CSMD1: variants seen among roughly 807,000 people sequenced by gnomAD.
CSMD1 encodes CUB and sushi domain-containing protein 1.
In CSMD1, 213 loss-of-function variants were observed where a neutral mutation model predicts 417.5. The ratio of observed to expected loss-of-function variants is 0.51; its 90% CI spans 0.46 to 0.57. The LOEUF (loss-of-function observed/expected upper bound fraction) is 0.57, where lower values mean the gene tolerates loss of function less well. Ranked by LOEUF, CSMD1 falls within the 20% of genes least tolerant of loss-of-function variation. The probability of loss-of-function intolerance (pLI) is 0.00; values close to 1 mark genes in which losing one functional copy is unlikely to be tolerated. For missense variants in CSMD1, 6,923 were observed against 4,529.7 expected, an observed-to-expected ratio of 1.53 and a Z score of -15.17; for synonymous variants, 2,862 against 1,736.8, an observed-to-expected ratio of 1.65 and a Z score of -16.11.
chr8:3,121,745 G>C (rs528928883), intron 41 of CSMD1, among the ~76,000 whole-genome samples: 1 of 152,236 alleles, frequency 6.6e-6, no homozygotes, highest in African/African-American at 2.4e-5. Context: ...GCTGCAGTGA[G>C]CTATGATCAT....
intron 38 of CSMD1, among the ~76,000 whole-genome samples, chr8:3,158,925 T>G (rs1819709255): frequency 6.6e-6 from 1 of 152,216 alleles, no homozygotes; most frequent in Non-Finnish European, 1.5e-5. Flanking sequence ...AATGCAGTTA[T>G]CAATGGCAAA....
intron 5 of CSMD1, among the ~76,000 whole-genome samples, chr8:3,887,451 T>C (rs1164213527): frequency 1.3e-5 from 2 of 152,154 alleles, no homozygotes; most frequent in East Asian, 1.9e-4. Context: ...TCCATGAAAG[T>C]GGGGCTAATT....
At chr8:3,993,140 T>C (rs1318873757) in intron 5 of CSMD1, among the ~76,000 whole-genome samples, 2 of 152,180 alleles carry the variant, frequency 1.3e-5, no homozygotes, top group African/African-American at 4.8e-5. Flanking sequence ...GTGCCAATAA[T>C]TACACTATGG....
intron 3 of CSMD1, among the ~76,000 whole-genome samples, chr8:4,237,983 G>A (rs1248021533): frequency 9.2e-5 from 14 of 152,328 alleles, no homozygotes; most frequent in Non-Finnish European, 4.4e-5. Flanking sequence ...CAGGGTGACA[G>A]AGGCATGCAC....
chr8:3,839,349 A>T (rs1303861703), intron 5 of CSMD1, among the ~76,000 whole-genome samples: 1 of 121,224 alleles, frequency 8.2e-6, no homozygotes, highest in African/African-American at 3.2e-5. Flanking sequence ...TAATTAGAAT[A>T]TATAATATTA....
chr8:4,066,726 G>C (rs1362943240), intron 3 of CSMD1, among the ~76,000 whole-genome samples: 3 of 152,114 alleles, frequency 2.0e-5, no homozygotes, highest in Non-Finnish European at 4.4e-5. Flanking sequence ...TTTGGGACGA[G>C]AGTGAAGACT....
intron 5 of CSMD1, among the ~76,000 whole-genome samples, chr8:3,863,861 T>C (rs1415167285): frequency 6.6e-6 from 1 of 152,186 alleles, no homozygotes; most frequent in Non-Finnish European, 1.5e-5. Context: ...TTTCTTCCAC[T>C]TCTTTCAGTT....
intron 2 of CSMD1, among the ~76,000 whole-genome samples, chr8:4,423,208 A>G (rs551975596): frequency 6.6e-6 from 1 of 152,246 alleles, no homozygotes; most frequent in East Asian, 1.9e-4. Flanking sequence ...AATATCCTGC[A>G]AATACAATAA....
chr8:3,178,545 C>A (rs935246247), intron 37 of CSMD1, among the ~76,000 whole-genome samples: 3 of 152,292 alleles, frequency 2.0e-5, no homozygotes, highest in South Asian at 4.1e-4. Flanking sequence ...ACTTTTCATG[C>A]CTGCCTCTGC....
At chr8:3,680,592 G>C (rs370127351) in intron 7 of CSMD1, among the ~76,000 whole-genome samples, 2 of 152,070 alleles carry the variant, frequency 1.3e-5, no homozygotes, top group Non-Finnish European at 2.9e-5. Context: ...ATTCACAGCC[G>C]ATTTCTATCA....
chr8:3,098,754 G>C (rs1815517648), intron 46 of CSMD1, among the ~76,000 whole-genome samples: 1 of 152,118 alleles, frequency 6.6e-6, no homozygotes, highest in African/African-American at 2.4e-5. Context: ...TGCAGGCTAG[G>C]ACCTCAAGTT....
chr8:4,172,811 C>T (rs1018230789), intron 3 of CSMD1, among the ~76,000 whole-genome samples: 1 of 152,082 alleles, frequency 6.6e-6, no homozygotes, highest in African/African-American at 2.4e-5. Context: ...TTTAGGCAGC[C>T]CCTGGATATG....
intron 2 of CSMD1, among the ~76,000 whole-genome samples, chr8:4,462,817 A>T (rs946042664): frequency 5.9e-5 from 9 of 151,948 alleles, no homozygotes; most frequent in African/African-American, 1.9e-4. Context: ...CCACAAAAAA[A>T]TTGATAAATC....
chr8:4,002,840 C>G (rs1213053192), intron 4 of CSMD1, among the ~76,000 whole-genome samples: 2 of 152,138 alleles, frequency 1.3e-5, no homozygotes, highest in African/African-American at 4.8e-5. Context: ...ACCTGTTACA[C>G]AAATTAAAAT....
intron 2 of CSMD1, among the ~76,000 whole-genome samples, chr8:4,611,318 C>G (rs927451224): frequency 2.0e-5 from 3 of 152,278 alleles, no homozygotes; most frequent in South Asian, 4.1e-4. Context: ...GTATTATTCC[C>G]TCTTTGAAGA....
intron 2 of CSMD1, among the ~76,000 whole-genome samples, chr8:4,530,498 C>G (rs540272456): frequency 5.3e-5 from 8 of 151,490 alleles, no homozygotes; most frequent in African/African-American, 1.9e-4. Context: ...TCCCCTTTCC[C>G]CCGACCCCCT....
chr8:4,680,475 G>A (rs117887100), intron 1 of CSMD1, among the ~76,000 whole-genome samples: 29 of 152,166 alleles, frequency 1.9e-4, no homozygotes, highest in East Asian at 1.9e-4. Context: ...CACACTTGAT[G>A]ACACTGGGCA....
chr8:2,944,238 C>A (rs1441429482), intron 68 of CSMD1, among the ~76,000 whole-genome samples: 1 of 152,162 alleles, frequency 6.6e-6, no homozygotes, highest in Non-Finnish European at 1.5e-5. Context: ...CCACCCCAGG[C>A]ACTGTATTGG....
intron 5 of CSMD1, among the ~76,000 whole-genome samples, chr8:3,985,677 C>G (rs1156242501): frequency 3.3e-5 from 5 of 152,134 alleles, no homozygotes; most frequent in Non-Finnish European, 4.4e-5. Context: ...CTAGAATTCT[C>G]ATTACAACCT....
Sources: gnomAD v4.1 joint callset for allele counts (sites outside exome capture counted in the v4.1 genomes callset) on GRCh38, gnomAD v4.1.1 for gene constraint, MANE v1.5 for transcripts, NCBI Gene and HGNC (gene_info 2026-07-23, HGNC 2026-07-21) for gene names.